The following SCARB2 variants were observed in gnomAD, a reference collection of about 807,000 sequenced individuals.
SCARB2 encodes the protein scavenger receptor class B member 2.
In SCARB2, 29 loss-of-function variants were observed where a neutral mutation model predicts 58.6. The ratio of observed to expected loss-of-function variants is 0.49; its 90% CI spans 0.37 to 0.67. The LOEUF is 0.67. SCARB2 is among the 30% of genes least tolerant of loss of function. The probability of loss-of-function intolerance (pLI) is 0.00; values close to 1 mark genes in which losing one functional copy is unlikely to be tolerated. For synonymous variants in SCARB2, 195 were observed against 210.1 expected (o/e 0.93, Z 0.62); for missense variants, 488 against 578.5 (o/e 0.84, Z 1.60).
intron 1 of SCARB2, among the ~76,000 whole-genome samples, chr4:76,221,010 G>A (rs1733297060): frequency 2.0e-5 from 3 of 152,106 alleles, no homozygotes; most frequent in Non-Finnish European, 4.4e-5. Flanking sequence ...ACAACTCACA[G>A]GCCCCAAGGT....
chr4:76,173,316 T>G (rs1345586722), intron 7 of SCARB2: 2 of 117,390 alleles, frequency 1.7e-5, no homozygotes, highest in Non-Finnish European at 3.5e-5. Context: ...AGTTGTCCAC[T>G]TTTTCTTTTA....
At chr4:76,168,677 TGTCTC>T (rs1732065413) in intron 8 of SCARB2, among the ~76,000 whole-genome samples, 1 of 152,216 alleles carries the variant, frequency 6.6e-6, no homozygotes, top group African/African-American at 2.4e-5. Context: ...TAGACCAGTG[TGTCTC>T]AAACATGAGT....
intron 8 of SCARB2, among the ~76,000 whole-genome samples, chr4:76,169,650 G>A (rs1222182729): frequency 6.6e-6 from 1 of 152,106 alleles, no homozygotes; most frequent in Admixed American, 6.5e-5. Context: ...TTAAAGGCAG[G>A]TTTGCTCGTA....
intron 9 of SCARB2, 55 bp downstream of exon 9, chr4:76,168,348 A>C (rs1732058543): frequency 4.4e-6 from 6 of 1,355,758 alleles, no homozygotes; most frequent in Non-Finnish European, 6.4e-6. Context: ...CAACCCCACC[A>C]GACGGGCAAT....
chr4:76,197,005 G>GGT (rs1732726719), intron 1 of SCARB2, among the ~76,000 whole-genome samples: 1 of 152,184 alleles, frequency 6.6e-6, no homozygotes, highest in Non-Finnish European at 1.5e-5. Context: ...GGAGGAAACT[G>GGT]GGACACAGAC....
At chr4:76,196,093 C>T (rs113563427) in intron 1 of SCARB2, among the ~76,000 whole-genome samples, 71 of 152,316 alleles carry the variant, frequency 4.7e-4, no homozygotes, top group African/African-American at 1.5e-3. Flanking sequence ...GTAAAGGGGC[C>T]GGGCCCAGTG....
chr4:76,219,112 C>T (rs757349986), intron 1 of SCARB2, among the ~76,000 whole-genome samples: 2 of 152,100 alleles, frequency 1.3e-5, no homozygotes, highest in African/African-American at 2.4e-5. Context: ...CTTCTGGCCT[C>T]ATGCTTATTA....
chr4:76,169,403 A>C (rs1037014028), intron 8 of SCARB2, among the ~76,000 whole-genome samples: 16 of 152,100 alleles, frequency 1.1e-4, no homozygotes, highest in Admixed American at 1.0e-3. Flanking sequence ...ATAAACTCTC[A>C]AATAACCTGT....
chr4:76,162,735 G>A (rs568079340), intron 11 of SCARB2: 41 of 198,416 alleles, frequency 2.1e-4, no homozygotes, highest in African/African-American at 3.8e-4. Context: ...CTAACACTGG[G>A]CCAAGTCCTT....
chr4:76,230,624 T>G (rs996331338), intron 1 of SCARB2, among the ~76,000 whole-genome samples: 1 of 152,212 alleles, frequency 6.6e-6, no homozygotes, highest in African/African-American at 2.4e-5. Context: ...CTTCTCTTCC[T>G]AGCAGATATC....
upstream of SCARB2, among the ~76,000 whole-genome samples, chr4:76,216,022 C>T (rs1733199880): frequency 6.6e-6 from 1 of 152,124 alleles, no homozygotes; most frequent in Non-Finnish European, 1.5e-5. Context: ...AAGCAGCAGC[C>T]CCAGAGGACC....
chr4:76,183,561 G>C (rs1732428122), intron 2 of SCARB2, among the ~76,000 whole-genome samples: 1 of 151,982 alleles, frequency 6.6e-6, no homozygotes, highest in Non-Finnish European at 1.5e-5. Flanking sequence ...CATGCCCTCT[G>C]CAGGCTCGCT....
Position 76,213,410 on chromosome 4 carries a change from A to T in SCARB2, c.117+17T>A. On this transcript the variant is annotated intron_variant, in intron 1 of 11. Coordinates refer to ENST00000264896, the MANE Select transcript of SCARB2 (RefSeq NM_005506.4). ...CTGGACGACTCCACAACACACACAC[A>T]GCCCGCCCCGCCTCACCTTCTCGAT... 1.3e-6 allele frequency: 2 copies of T among 1,559,758 alleles called. No homozygotes were observed. The highest frequency in any genetic ancestry group is 1.8e-6 in the Non-Finnish European group (2 of 1,136,984).
At chr4:76,213,330 G>T (rs1221903926) in intron 1 of SCARB2, 97 bp downstream of exon 1, 3 of 843,552 alleles carry the variant, frequency 3.6e-6, no homozygotes, top group South Asian at 1.4e-5. Flanking sequence ...CGGAGGGTCT[G>T]CCTGAGTGCT....
chr4:76,166,189 A>T, intron 10 of SCARB2, 61 bp downstream of exon 10: 1 of 1,495,908 alleles, frequency 6.7e-7, no homozygotes, highest in Admixed American at 1.7e-5. Context: ...AACAGTAGAC[A>T]TCATAATGGA....
chr4:76,209,706 A>G (rs1349114269), intron 1 of SCARB2, among the ~76,000 whole-genome samples: 6 of 152,230 alleles, frequency 3.9e-5, no homozygotes, highest in Non-Finnish European at 7.3e-5. Context: ...ACAGCTCCAG[A>G]GTTTCTATGG....
chr4:76,175,769 A>T (rs1415343677), intron 6 of SCARB2, 22 bp downstream of exon 6: 3 of 1,613,530 alleles, frequency 1.9e-6, no homozygotes, highest in Non-Finnish European at 2.5e-6. Flanking sequence ...TTTGAAAAAG[A>T]ACTTATCTTT....
At chr4:76,229,536 C>T (rs1473367263) in intron 1 of SCARB2, among the ~76,000 whole-genome samples, 2 of 152,128 alleles carry the variant, frequency 1.3e-5, no homozygotes, top group African/African-American at 4.8e-5. Flanking sequence ...TAGGGTGATC[C>T]CTTGATGTGG....
intron 1 of SCARB2, among the ~76,000 whole-genome samples, chr4:76,200,632 T>C (rs1191133511): frequency 2.0e-5 from 3 of 152,116 alleles, no homozygotes; most frequent in Non-Finnish European, 2.9e-5. Context: ...AGTGAAAAAT[T>C]ATGTGCAAGA....
Sources: gnomAD v4.1 joint callset for allele counts (sites outside exome capture counted in the v4.1 genomes callset) on GRCh38, gnomAD v4.1.1 for gene constraint, MANE v1.5 for transcripts, NCBI Gene and HGNC (gene_info 2026-07-23, HGNC 2026-07-21) for gene names.